The following TAL1 variants were observed in gnomAD, a reference collection of about 807,000 sequenced individuals.
The protein encoded by TAL1 is TAL bHLH transcription factor 1, erythroid differentiation factor, also known as T-cell acute lymphocytic leukemia protein 1.
A neutral mutation model predicts 17.9 loss-of-function variants in TAL1; 8 were observed. That is an observed-to-expected ratio of 0.45 (90% CI 0.26 to 0.81). TAL1 has a LOEUF of 0.81. Among genes scored for constraint, TAL1 ranks in the 30% least tolerant of loss-of-function variants. The pLI, the probability that TAL1 is intolerant of heterozygous loss-of-function variation, is 0.17. For missense variants in TAL1, 466 were observed against 486.9 expected, an observed-to-expected ratio of 0.96 and a Z score of 0.40; for synonymous variants, 223 against 218.6, an observed-to-expected ratio of 1.02 and a Z score of -0.18.
chr1:47,224,022 C>T, exon 3 of TAL1: 1 of 1,613,868 alleles, frequency 6.2e-7, no homozygotes. Context: ...ATCTCCATCT[C>T]ATAGGGGGAA....
chr1:47,223,928 TC>T, intron 3 of TAL1, 75 bp downstream of exon 4: 1 of 1,380,254 alleles, frequency 7.2e-7, no homozygotes, highest in Non-Finnish European at 1.0e-6. Flanking sequence ...TACGGAGTAG[TC>T]CCAGATGTTC....
chr1:47,222,708 G>C (rs1386537384), intron 3 of TAL1, among the ~76,000 whole-genome samples: 1 of 151,980 alleles, frequency 6.6e-6, no homozygotes, highest in African/African-American at 2.4e-5. Context: ...CCTCTTTCCT[G>C]AGTCTGTCTA....
At chr1:47,222,402 A>C (rs1297900415) in intron 3 of TAL1, among the ~76,000 whole-genome samples, 1 of 152,164 alleles carries the variant, frequency 6.6e-6, no homozygotes, top group Non-Finnish European at 1.5e-5. Flanking sequence ...AGATGTAAAC[A>C]ATAATATTGC....
At chr1:47,225,803 G>T (rs1308489832) in exon 2 of TAL1, 3 of 1,570,112 alleles carry the variant, frequency 1.9e-6, no homozygotes, top group African/African-American at 2.8e-5. Flanking sequence ...GACCAGGTGC[G>T]GGGGGGCCAT....
chr1:47,232,033 C>T (rs1644024433), upstream of TAL1: 1 of 230,828 alleles, frequency 4.3e-6, no homozygotes. Flanking sequence ...CCCCCCCCGG[C>T]CATCGAAAGG....
At chr1:47,225,823 G>C (rs1427734020) in exon 2 of TAL1, 2 of 1,580,250 alleles carry the variant, frequency 1.3e-6, no homozygotes, top group Non-Finnish European at 1.7e-6. Flanking sequence ...TGCTGGCCTC[G>C]GCCGCGTCCC....
chr1:47,218,436 T>A (rs1406785142), exon 4 of TAL1: 4 of 232,794 alleles, frequency 1.7e-5, no homozygotes, highest in Non-Finnish European at 3.4e-5. Context: ...GGATGTGATT[T>A]ACAAAAATTT....
intron 3 of TAL1, among the ~76,000 whole-genome samples, chr1:47,221,425 CAT>C (rs965138694): frequency 6.6e-6 from 1 of 152,186 alleles, no homozygotes; most frequent in African/African-American, 2.4e-5. Context: ...TACCAGCACA[CAT>C]GTCTAGGGCA....
At chr1:47,224,424 ACACAC>A (rs1643877914) in intron 2 of TAL1, among the ~76,000 whole-genome samples, 1 of 151,138 alleles carries the variant, frequency 6.6e-6, no homozygotes, top group South Asian at 2.1e-4. Context: ...ACACACACAC[ACACAC>A]TTCACAGATA....
chr1:47,224,145 G>C, intron 2 of TAL1, 47 bp from the exon 4 acceptor site: 7 of 1,585,030 alleles, frequency 4.4e-6, no homozygotes, highest in Non-Finnish European at 6.1e-6. Context: ...TTGAGGGGAG[G>C]GGAGAAAGAG....
Position 47,225,702 on chromosome 1 carries a change from CGCCCCCCG to C in TAL1, c.179_186del (p.Pro60ArgfsTer113), listed in dbSNP as rs2148591663. ...GCGGCGCCGCCCCCACCGGCAGGGC[CGCCCCCCG>C]GGCCTCCGCGCGCGCCCAGTTCGAT... On this transcript the variant is annotated frameshift_variant, in exon 2 of 4. Transcript: ENST00000294339. LOFTEE classifies it high-confidence loss of function. 6.9e-7 allele frequency: 1 copy of C among 1,443,440 alleles called. No individual in the cohort carries two copies. Among genetic ancestry groups the C allele is most frequent in the East Asian group, 3.0e-5 (1 of 33,552 alleles). The allele number at this position is 1,443,440 out of a possible 1,614,324, so 89.4% of individuals were successfully genotyped here.
At chr1:47,230,777 A>G (rs978069496), upstream of TAL1, 2 of 152,232 alleles carry the variant, frequency 1.3e-5, no homozygotes, top group Non-Finnish European at 2.9e-5. Context: ...GGCATTAGCA[A>G]TTACAATAAT....
At chr1:47,223,509 G>A (rs1473130639) in intron 3 of TAL1, 1 of 154,152 alleles carries the variant, frequency 6.5e-6, no homozygotes, top group Non-Finnish European at 1.4e-5. Flanking sequence ...GGAGCCTACT[G>A]TGTAGGGACC....
At chr1:47,225,623 G>C in exon 2 of TAL1, 1 of 1,382,134 alleles carries the variant, frequency 7.2e-7, no homozygotes, top group South Asian at 1.7e-5. Context: ...CTCGGTGGTG[G>C]GCACCCGATG....
chr1:47,223,739 T>C, intron 3 of TAL1: 1 of 393,906 alleles, frequency 2.5e-6, no homozygotes, highest in East Asian at 4.1e-5. Flanking sequence ...GGGAACTAAC[T>C]CCAGAGGTTT....
chr1:47,226,707 C>T (rs1468434891), intron 1 of TAL1, among the ~76,000 whole-genome samples: 2 of 152,194 alleles, frequency 1.3e-5, no homozygotes, highest in African/African-American at 2.4e-5. Context: ...CAGTCCACCT[C>T]GTTCTGCTCA....
chr1:47,222,731 T>TCCTCTG (rs1643842584), intron 3 of TAL1, among the ~76,000 whole-genome samples: 1 of 152,092 alleles, frequency 6.6e-6, no homozygotes, highest in South Asian at 2.1e-4. Flanking sequence ...CCTCCTGGTG[T>TCCTCTG]CCTCTGCCTC....
intron 1 of TAL1, among the ~76,000 whole-genome samples, chr1:47,226,650 G>T (rs1412900121): frequency 6.6e-6 from 1 of 152,238 alleles, no homozygotes; most frequent in Non-Finnish European, 1.5e-5. Context: ...AGACAGAGAT[G>T]AGAGGTCGCC....
At chr1:47,221,211 T>A (rs867159971) in intron 3 of TAL1, among the ~76,000 whole-genome samples, 1 of 151,996 alleles carries the variant, frequency 6.6e-6, no homozygotes. Flanking sequence ...AGGTGGGGAA[T>A]GGAGGGGAGA....
Sources: gnomAD v4.1 joint callset for allele counts (sites outside exome capture counted in the v4.1 genomes callset) on GRCh38, gnomAD v4.1.1 for gene constraint, MANE v1.5 for transcripts, NCBI Gene and HGNC (gene_info 2026-07-23, HGNC 2026-07-21) for gene names.